The following EYS variants were observed in gnomAD, a reference collection of about 807,000 sequenced individuals.
EYS encodes protein eyes shut homolog.
A neutral mutation model predicts 282.1 loss-of-function variants in EYS; 250 were observed. That is an observed-to-expected ratio of 0.89 (90% confidence interval 0.80 to 0.98). The LOEUF (loss-of-function observed/expected upper bound fraction) is 0.98. EYS is among the 50% of genes least tolerant of loss of function. The pLI is 0.00. For synonymous variants in EYS, 1,355 were observed against 1,282.9 expected (o/e 1.06, Z -1.20); for missense variants, 4,016 against 3,709.0 (o/e 1.08, Z -2.15).
intron 21 of EYS, among the ~76,000 whole-genome samples, chr6:64,819,847 A>T (rs1372761388): frequency 6.6e-6 from 1 of 152,048 alleles, no homozygotes; most frequent in Non-Finnish European, 1.5e-5. Flanking sequence ...TTAAAATAAG[A>T]CATACAAATC....
At chr6:65,106,344 T>G (rs1447933855) in intron 12 of EYS, among the ~76,000 whole-genome samples, 1 of 152,074 alleles carries the variant, frequency 6.6e-6, no homozygotes, top group Non-Finnish European at 1.5e-5. Flanking sequence ...TATTTTAATT[T>G]CATGTAATGT....
chr6:65,611,438 G>C (rs897119659), intron 2 of EYS, among the ~76,000 whole-genome samples: 1 of 151,746 alleles, frequency 6.6e-6, no homozygotes, highest in Admixed American at 6.6e-5. Flanking sequence ...ACTATTTCTT[G>C]TTTTCTCATG....
chr6:64,990,280 C>T (rs1018529247), intron 14 of EYS, among the ~76,000 whole-genome samples: 2 of 151,298 alleles, frequency 1.3e-5, no homozygotes, highest in African/African-American at 4.8e-5. Flanking sequence ...GTTTTTAGAA[C>T]CAATTTTTAT....
chr6:65,639,323 A>T lies in EYS; in HGVS notation c.-333+455T>A, dbSNP rs11966144. On this transcript the variant is annotated intron_variant, in intron 2 of 42. Transcript: ENST00000503581. Reference sequence around the variant, plus strand: ...AAGAATTTTCCAGTCTGAATAAATAAGATAAGTTATTAGGGAAGTAATAAA... The same window carrying T: ...AAGAATTTTCCAGTCTGAATAAATATGATAAGTTATTAGGGAAGTAATAAA... 6.3e-3 allele frequency among the ~76,000 whole-genome samples: 953 copies of T among 152,246 alleles called. 12 individuals are homozygous for T. Among genetic ancestry groups the T allele is most frequent in the African/African-American group, 0.022 (897 of 41,546 alleles).
At chr6:64,482,191 T>G (rs1031072935) in intron 26 of EYS, among the ~76,000 whole-genome samples, 1 of 151,624 alleles carries the variant, frequency 6.6e-6, no homozygotes, top group Non-Finnish European at 1.5e-5. Flanking sequence ...GCAATGGGGA[T>G]TTTTCTACTT....
rs372499688 is a variant in EYS at position 65,526,621 on chromosome 6, C to T, written c.-332-30628G>A. The stretch of plus-strand genomic sequence containing the variant: ...GAGATTGAGACCATCTTGGCTAACA[C>T]GGTGAAACCCCGTCTCTACTAAAAA... On this transcript the variant is annotated intron_variant, in intron 2 of 42. Coordinates refer to ENST00000503581, the MANE Select transcript of EYS (RefSeq NM_001142800.2). Among the ~76,000 whole-genome samples the T allele has an allele frequency of 2.5e-3, 384 of 152,068 alleles. 2 individuals are homozygous for T. The highest frequency in any genetic ancestry group is 9.0e-3 in the African/African-American group (372 of 41,488).
At chr6:64,920,861 T>A (rs1274595000) in intron 15 of EYS, among the ~76,000 whole-genome samples, 2 of 152,080 alleles carry the variant, frequency 1.3e-5, no homozygotes, top group Non-Finnish European at 2.9e-5. Flanking sequence ...ATATAGAACT[T>A]AAACAAATTT....
rs187827461 is a variant in EYS at position 65,472,926 on chromosome 6, C to T, written c.862+17668G>A. Among the ~76,000 whole-genome samples, 609 of 151,792 alleles carry T rather than the reference C, an allele frequency of 4.0e-3. 4 individuals are homozygous for T. Among genetic ancestry groups the T allele is most frequent in the African/African-American group, 0.013 (545 of 41,454 alleles). On this transcript the variant is annotated intron_variant, in intron 5 of 42. Transcript: ENST00000503581. ...TTGTGGGTCCAAACTCCTAAGGTCC[C>T]TAGGTTATGCTTTCATAAGCAATGA...
chr6:64,365,657 C>G (rs990476385), intron 29 of EYS, among the ~76,000 whole-genome samples: 3 of 151,874 alleles, frequency 2.0e-5, no homozygotes, highest in African/African-American at 7.3e-5. Flanking sequence ...AATATTGAAC[C>G]TTAAACAGTA....
intron 24 of EYS, among the ~76,000 whole-genome samples, chr6:64,613,203 C>T (rs1306582520): frequency 2.0e-5 from 3 of 152,028 alleles, no homozygotes; most frequent in Non-Finnish European, 2.9e-5. Context: ...AAATTAATGA[C>T]TTTTGAACAA....
At chr6:64,028,373 A>C (rs1384717102) in intron 33 of EYS, among the ~76,000 whole-genome samples, 1 of 152,260 alleles carries the variant, frequency 6.6e-6, no homozygotes, top group Non-Finnish European at 1.5e-5. Flanking sequence ...TAGTAAGGAA[A>C]TGCAGCAGTC....
intron 35 of EYS, among the ~76,000 whole-genome samples, chr6:63,979,919 C>A (rs952449179): frequency 1.3e-5 from 2 of 151,878 alleles, no homozygotes; most frequent in Admixed American, 6.6e-5. Flanking sequence ...AGTAAAGCTG[C>A]TGAAGTGTTA....
rs374303135 is a variant in EYS, at chr6:64,081,747, G to C, written c.6571+109C>G. 5.7e-5 allele frequency: 53 copies of C among 930,214 alleles called. 1 individual carries two copies. In the African/African-American group the frequency reaches 8.2e-4, roughly 14 times the overall value. The allele number at this position is 930,214 out of a possible 1,614,324, so 57.6% of individuals were successfully genotyped here. On this transcript the variant is annotated intron_variant, in intron 32 of 42. Transcript: ENST00000503581. Reference sequence around the variant, plus strand: ...TCTCTTTGGTAATGCTTCATGCACTGGTCTGGAAAAATTCTCTCACAATAT... The same window carrying C: ...TCTCTTTGGTAATGCTTCATGCACTCGTCTGGAAAAATTCTCTCACAATAT...
At chr6:64,755,116 C>G (rs1324885415) in intron 22 of EYS, among the ~76,000 whole-genome samples, 1 of 152,036 alleles carries the variant, frequency 6.6e-6, no homozygotes, top group African/African-American at 2.4e-5. Flanking sequence ...AATCAACATA[C>G]AAAAGTCAGT....
intron 22 of EYS, among the ~76,000 whole-genome samples, chr6:64,713,926 G>A (rs1046776703): frequency 4.6e-5 from 7 of 152,110 alleles, no homozygotes; most frequent in African/African-American, 1.4e-4. Context: ...ATTACTGAAG[G>A]CATTATGTTC....
intron 14 of EYS, among the ~76,000 whole-genome samples, chr6:64,977,516 C>A (rs1041215270): frequency 2.6e-5 from 4 of 151,760 alleles, no homozygotes; most frequent in African/African-American, 4.8e-5. Context: ...CTACAATGAC[C>A]TCTAAGTGAT....
Position 65,495,194 on chromosome 6 carries a change from C to T in EYS, c.217G>A (p.Ala73Thr). 1 of 1,614,148 alleles carries T rather than the reference C, an allele frequency of 6.2e-7. No individual in the cohort carries two copies. Among genetic ancestry groups the T allele is most frequent in the Non-Finnish European group, 8.5e-7 (1 of 1,180,022 alleles). The change falls in exon 4 of 43, where the codon GCT (alanine) becomes ACT (threonine). Residue 73 changes from alanine to threonine, a missense_variant. By Grantham distance (58) the Ala-to-Thr change is moderately conservative. Transcript: ENST00000503581. ...NTKIDTSGNQAVPQICPLQIQ... is the reference protein window; with the variant it reads ...NTKIDTSGNQTVPQICPLQIQ... ...TGCAAAGGGCAAATCTGGGGAACAG[C>T]TTGATTGCCTGAAGTATCTATTTTA...
chr6:63,991,371 G>T (rs1767594908), intron 34 of EYS, among the ~76,000 whole-genome samples: 1 of 151,630 alleles, frequency 6.6e-6, no homozygotes, highest in Admixed American at 6.6e-5. Flanking sequence ...GAACAAAATA[G>T]ATCTCCAGGA....
chr6:64,952,290 G>A (rs1769538186), intron 14 of EYS, among the ~76,000 whole-genome samples: 1 of 151,906 alleles, frequency 6.6e-6, no homozygotes. Context: ...TTAAGATTGT[G>A]GGAATTTGTT....
Sources: gnomAD v4.1 joint callset for allele counts (sites outside exome capture counted in the v4.1 genomes callset) on GRCh38, gnomAD v4.1.1 for gene constraint, MANE v1.5 for transcripts, NCBI Gene and HGNC (gene_info 2026-07-23, HGNC 2026-07-21) for gene names.